Variants in LGR4 observed in about 807,000 individuals in gnomAD.
The protein encoded by LGR4 is leucine rich repeat containing G protein-coupled receptor 4.
LGR4 carries 44 observed loss-of-function variants against 84.8 expected under a neutral mutation model. That is an observed-to-expected ratio of 0.52 (90% CI 0.41 to 0.67). The LOEUF is 0.67. Among genes scored for constraint, LGR4 ranks in the 30% least tolerant of loss-of-function variants. The pLI, the probability that LGR4 is intolerant of heterozygous loss-of-function variation, is 0.00. For synonymous variants in LGR4, 429 were observed against 434.3 expected, an observed-to-expected ratio of 0.99 and a Z score of 0.15; for missense variants, 1,032 against 1,131.4, an observed-to-expected ratio of 0.91 and a Z score of 1.26.
chr11:27,400,814 T>C lies in LGR4; in HGVS notation c.258-8296A>G, dbSNP rs1039526556. ...GCCTGGCCTGTTTTGTGTTATTTTC[T>C]ACCGTTGACTTCAAGAGGACCGGAG... On this transcript the variant is annotated intron_variant, in intron 2 of 17. Transcript: ENST00000379214. Among the ~76,000 whole-genome samples, 5 of 152,284 alleles carry C rather than the reference T, an allele frequency of 3.3e-5. 1 individual carries two copies. The highest frequency in any genetic ancestry group is 3.3e-4 in the Admixed American group (5 of 15,292).
intron 1 of LGR4, among the ~76,000 whole-genome samples, chr11:27,462,591 A>G (rs1457589052): frequency 6.6e-6 from 1 of 152,174 alleles, no homozygotes; most frequent in East Asian, 1.9e-4. Flanking sequence ...CCTGATATAC[A>G]TTCAAAGAAC....
rs531655967 is a variant in LGR4 at position 27,437,564 on chromosome 11, C to T, written c.186-24704G>A. 4.8e-4 allele frequency among the ~76,000 whole-genome samples: 73 copies of T among 152,108 alleles called. 1 individual carries two copies. The highest frequency in any genetic ancestry group is 4.2e-3 in the Admixed American group (64 of 15,280). On this transcript the variant is annotated intron_variant, in intron 1 of 17. Transcript: ENST00000379214. ...TTTCCTGCAAGAACAGGGACTAGAT[C>T]CGTCCTTCCAATCCTTGTAATGCTA... is the stretch of plus-strand genomic sequence containing the variant.
At chr11:27,455,562 G>A (rs1427162619) in intron 1 of LGR4, among the ~76,000 whole-genome samples, 1 of 152,178 alleles carries the variant, frequency 6.6e-6, no homozygotes, top group Non-Finnish European at 1.5e-5. Flanking sequence ...ATAAACAAGA[G>A]TTTTAGATCC....
At chr11:27,466,445 C>T (rs11030016) in intron 1 of LGR4, among the ~76,000 whole-genome samples, 81,940 of 151,972 alleles carry the variant, frequency 0.54, 26,255 homozygotes, top group Non-Finnish European at 0.73. Context: ...ATCAAGGAGA[C>T]CAGAAACCAA....
At chr11:27,419,793 T>C (rs1863893122) in intron 1 of LGR4, among the ~76,000 whole-genome samples, 1 of 151,808 alleles carries the variant, frequency 6.6e-6, no homozygotes, top group East Asian at 1.9e-4. Flanking sequence ...ATATGGATGA[T>C]TTCAAACACC....
intron 1 of LGR4, among the ~76,000 whole-genome samples, chr11:27,467,997 G>C (rs1241273261): frequency 6.6e-6 from 1 of 152,102 alleles, no homozygotes; most frequent in Non-Finnish European, 1.5e-5. Flanking sequence ...CAAACATGTA[G>C]CCACTGACTA....
Position 27,368,629 on chromosome 11 carries a change from T to C in LGR4, c.2094A>G (p.Thr698=), listed in dbSNP as rs142479904. ...TGAATCCTAATGATGGCGTTTCACC[T>C]GTAGGAAATGGCAAACAAAGGGGTG... ...SASPLCLPFP[T]GETPSLGFTV... Residue 698 remains threonine (T), a synonymous_variant, in exon 18 of 18, where the codon ACA becomes ACG. Transcript: ENST00000379214. 3.5e-5 allele frequency: 56 copies of C among 1,613,808 alleles called. No homozygotes were observed. The highest frequency in any genetic ancestry group is 4.4e-5 in the Non-Finnish European group (52 of 1,179,980).
intron 2 of LGR4, among the ~76,000 whole-genome samples, chr11:27,398,827 C>T (rs1863440523): frequency 6.6e-6 from 1 of 152,162 alleles, no homozygotes; most frequent in South Asian, 2.1e-4. Context: ...CTGAAAAGTA[C>T]TTCGAGCACC....
At chr11:27,444,688 C>G (rs1405567687) in intron 1 of LGR4, among the ~76,000 whole-genome samples, 3 of 152,152 alleles carry the variant, frequency 2.0e-5, no homozygotes, top group African/African-American at 7.2e-5. Context: ...ATATCCATAG[C>G]CTAATTAAGT....
Position 27,382,270 on chromosome 11 carries a change from G to A in LGR4, c.690-14C>T, listed in dbSNP as rs772361972. The A allele has an allele frequency of 6.5e-7, 1 of 1,542,624 alleles. No individual in the cohort carries two copies. Among genetic ancestry groups the A allele is most frequent in the Non-Finnish European group, 9.0e-7 (1 of 1,116,670 alleles). The stretch of plus-strand genomic sequence containing the variant: ...TAATTCAAGTCTCTAGAAAAAAATG[G>A]GTGAAAATATATCAAAATATTAAAT... On this transcript the variant is annotated splice_polypyrimidine_tract_variant and intron_variant, in intron 6 of 17. Transcript: ENST00000379214.
intron 1 of LGR4, among the ~76,000 whole-genome samples, chr11:27,413,139 TG>T (rs2133399052): frequency 6.6e-6 from 1 of 152,232 alleles, no homozygotes; most frequent in African/African-American, 2.4e-5. Context: ...CTAAAATAAG[TG>T]GGCCAGGGTG....
chr11:27,434,360 A>AAAGG (rs1227969233), intron 1 of LGR4, among the ~76,000 whole-genome samples: 61 of 152,344 alleles, frequency 4.0e-4, no homozygotes, highest in African/African-American at 1.4e-3. Context: ...TTTCAATGGG[A>AAAGG]AAGGAAGGAA....
chr11:27,431,208 C>A (rs1386364754), intron 1 of LGR4, among the ~76,000 whole-genome samples: 1 of 152,174 alleles, frequency 6.6e-6, no homozygotes, highest in African/African-American at 2.4e-5. Flanking sequence ...AGAAAGTGGT[C>A]CAATGTCACC....
At position 27,472,421 on chromosome 11, in the gene LGR4, G is replaced by C; in HGVS notation, c.-119C>G. The C allele has an allele frequency of 1.3e-6, 1 of 771,452 alleles. No individual in the cohort carries two copies. Among genetic ancestry groups the C allele is most frequent in the Non-Finnish European group, 1.7e-6 (1 of 573,524 alleles). The allele number at this position is 771,452 out of a possible 1,614,324, so 47.8% of individuals were successfully genotyped here. On this transcript the variant is annotated 5_prime_UTR_variant, in exon 1 of 18. Transcript: ENST00000379214. Reference sequence around the variant, plus strand: ...GGGCTGGAGCGGGGGTCTCTTCCTCGGCGGTCCGCGCGGGCTCGGCCCCTT... The same window carrying C: ...GGGCTGGAGCGGGGGTCTCTTCCTCCGCGGTCCGCGCGGGCTCGGCCCCTT...
At chr11:27,445,647 G>A (rs1355410872) in intron 1 of LGR4, among the ~76,000 whole-genome samples, 2 of 152,140 alleles carry the variant, frequency 1.3e-5, no homozygotes, top group South Asian at 4.1e-4. Flanking sequence ...GGGAGGCCGA[G>A]TAGAAGGATG....
intron 2 of LGR4, among the ~76,000 whole-genome samples, chr11:27,405,479 A>C (rs1230356608): frequency 1.3e-5 from 2 of 152,048 alleles, no homozygotes; most frequent in East Asian, 3.9e-4. Context: ...CCCACGATAC[A>C]CTATTCTATA....
chr11:27,444,491 AC>A (rs1864355065), intron 1 of LGR4, among the ~76,000 whole-genome samples: 1 of 152,236 alleles, frequency 6.6e-6, no homozygotes. Context: ...AAAGGGTCAT[AC>A]AAGTTGGAAT....
chr11:27,453,107 C>T (rs561397255), intron 1 of LGR4, among the ~76,000 whole-genome samples: 88 of 151,878 alleles, frequency 5.8e-4, no homozygotes, highest in African/African-American at 1.5e-3. Context: ...CTAGCTCTGT[C>T]GCCCAGGCTG....
At chr11:27,393,531 T>C (rs571162759) in intron 2 of LGR4, among the ~76,000 whole-genome samples, 10 of 152,162 alleles carry the variant, frequency 6.6e-5, no homozygotes, top group African/African-American at 2.4e-4. Context: ...AAATTTATAA[T>C]TAAATTTTTT....
Sources: allele counts gnomAD v4.1 joint callset (sites outside exome capture counted in the v4.1 genomes callset), GRCh38; gene constraint gnomAD v4.1.1; transcripts MANE v1.5; gene names NCBI Gene and HGNC (gene_info 2026-07-23, HGNC 2026-07-21).